The following HOOK1 variants were observed in gnomAD, a reference collection of about 807,000 sequenced individuals.
HOOK1 encodes the protein protein Hook homolog 1.
Under a neutral mutation model 112.8 loss-of-function variants are expected in HOOK1, and 60 were observed. That is an observed-to-expected ratio of 0.53 (90% CI 0.43 to 0.66). The LOEUF (loss-of-function observed/expected upper bound fraction) is 0.66, where lower values mean the gene tolerates loss of function less well. Among genes scored for constraint, HOOK1 ranks in the 30% least tolerant of loss-of-function variants. The pLI is 0.00. For missense variants in HOOK1, 770 were observed against 856.0 expected (o/e 0.90, Z 1.25); for synonymous variants, 294 against 283.8 (o/e 1.04, Z -0.36).
Position 59,876,154 on chromosome 1 carries a change from G to C in HOOK1, c.*3189G>C, listed in dbSNP as rs1367221714. On this transcript the variant is annotated 3_prime_UTR_variant, in exon 22 of 22. Transcript: ENST00000371208. ...AATTTGTAAAGCACAAACCATAAAA[G>C]AGTGTGGAGTTATTAAATGATGTAG... The C allele has an allele frequency of 1.3e-5, 2 of 152,656 alleles. No homozygotes were observed. Among genetic ancestry groups the C allele is most frequent in the African/African-American group, 4.8e-5 (2 of 41,458 alleles). 9.5% of individuals were successfully genotyped at this position (152,656 alleles called of 1,614,324 possible). A position where few individuals can be genotyped will look rare whatever the true frequency, so the allele number is the denominator to read the frequency against.
rs2098393578 is a variant in HOOK1 at position 59,831,021 on chromosome 1, C to T, written c.223-1142C>T. Among the ~76,000 whole-genome samples the T allele has an allele frequency of 2.0e-5, 3 of 151,930 alleles. 1 individual carries two copies. Among genetic ancestry groups the T allele is most frequent in the Admixed American group, 2.0e-4 (3 of 15,252 alleles). On this transcript the variant is annotated intron_variant, in intron 3 of 21. Coordinates refer to ENST00000371208, the MANE Select transcript of HOOK1 (RefSeq NM_015888.6). ...GTTCAAGCGATTCTTCTGCCTCAGC[C>T]TCCCGAGTAGCTGGGATTACAGGTG... is the stretch of plus-strand genomic sequence containing the variant.
At chr1:59,846,838 T>C (rs2098404338) in intron 9 of HOOK1, among the ~76,000 whole-genome samples, 1 of 151,614 alleles carries the variant, frequency 6.6e-6, no homozygotes, top group African/African-American at 2.4e-5. Context: ...TTGCGACTGA[T>C]TTCTAATTTA....
chr1:59,864,055 T>C (rs1008754652), intron 16 of HOOK1, among the ~76,000 whole-genome samples: 1 of 152,040 alleles, frequency 6.6e-6, no homozygotes, highest in Non-Finnish European at 1.5e-5. Context: ...ACCTATACAA[T>C]AGATGCGGAA....
intron 9 of HOOK1, among the ~76,000 whole-genome samples, chr1:59,844,536 A>G (rs906300424): frequency 1.3e-5 from 2 of 151,842 alleles, no homozygotes; most frequent in African/African-American, 4.8e-5. Flanking sequence ...AAGTATTCCA[A>G]TTTTGTTCTT....
At chr1:59,870,626 A>G (rs1263789539) in intron 20 of HOOK1, among the ~76,000 whole-genome samples, 1 of 152,222 alleles carries the variant, frequency 6.6e-6, no homozygotes, top group African/African-American at 2.4e-5. Context: ...ATTAAACTTT[A>G]TAGGCAACTT....
rs1339146121 is a variant in HOOK1 at position 59,865,984 on chromosome 1, A to G, written c.1845+12A>G. The stretch of plus-strand genomic sequence containing the variant: ...AGAAAGCCAGAAATGTGAGTGACTT[A>G]TCTTTCGGAGCTCAAGACTTTGTGG... On this transcript the variant is annotated intron_variant, in intron 19 of 21. Coordinates refer to ENST00000371208, the MANE Select transcript of HOOK1 (RefSeq NM_015888.6). 5 of 1,427,506 alleles carry G rather than the reference A, an allele frequency of 3.5e-6. No individual in the cohort carries two copies. Among genetic ancestry groups the G allele is most frequent in the Non-Finnish European group, 4.9e-6 (5 of 1,021,820 alleles). 88.4% of individuals were successfully genotyped at this position (1,427,506 alleles called of 1,614,324 possible).
chr1:59,823,790 C>T lies in HOOK1; in HGVS notation c.149+1847C>T, dbSNP rs2098387713. Among the ~76,000 whole-genome samples, 3 of 152,184 alleles carry T rather than the reference C, an allele frequency of 2.0e-5. No individual in the cohort carries two copies. The South Asian group carries it at 6.2e-4, about 31-fold the overall frequency. ...GGATTATGCTGTTAATGCTGATCTT[C>T]CCTCTCTGTGCTTTTTCTTTATTTC... On this transcript the variant is annotated intron_variant, in intron 2 of 21. Coordinates refer to ENST00000371208, the MANE Select transcript of HOOK1 (RefSeq NM_015888.6).
In HOOK1 at chr1:59,865,972, T is replaced by C. The variant is rs748153310; in HGVS notation, c.1845T>C (p.Asn615=). 1 of 1,513,504 alleles carries C rather than the reference T, an allele frequency of 6.6e-7. No homozygotes were observed. The highest frequency in any genetic ancestry group is 9.1e-7 in the Non-Finnish European group (1 of 1,098,314). 93.8% of individuals were successfully genotyped at this position (1,513,504 alleles called of 1,614,324 possible). A position where few individuals can be genotyped will look rare whatever the true frequency, so the allele number is the denominator to read the frequency against. The part of the protein sequence containing the change: ...RYKMYLEKAR[N]VIKTLDPKLN... ...AAATGTACTTGGAGAAAGCCAGAAA[T>C]GTGAGTGACTTATCTTTCGGAGCTC... Residue 615 remains asparagine, a splice_region_variant and synonymous_variant, in exon 19 of 22, where the codon AAT becomes AAC. Transcript: ENST00000371208.
chr1:59,848,969 T>C (rs1559054608), intron 11 of HOOK1, 104 bp from the exon 12 acceptor site: 2 of 551,924 alleles, frequency 3.6e-6, no homozygotes, highest in Non-Finnish European at 6.3e-6. Context: ...AGTGTAGATA[T>C]TTATTCATAA....
At chr1:59,857,299 C>T (rs970986595) in intron 12 of HOOK1, among the ~76,000 whole-genome samples, 1 of 152,148 alleles carries the variant, frequency 6.6e-6, no homozygotes, top group Non-Finnish European at 1.5e-5. Flanking sequence ...ACAGCTACAG[C>T]AATTGAAAGG....
chr1:59,857,600 G>A (rs1425274276), intron 12 of HOOK1, among the ~76,000 whole-genome samples: 4 of 152,078 alleles, frequency 2.6e-5, no homozygotes, highest in Non-Finnish European at 4.4e-5. Flanking sequence ...AGGCACCTAC[G>A]GACCCCTTGA....
rs749441451 is a variant in HOOK1, at chr1:59,871,067, G to A, written c.1973G>A (p.Arg658His). The A allele has an allele frequency of 1.5e-5, 24 of 1,611,086 alleles. No individual in the cohort carries two copies. Among genetic ancestry groups the A allele is most frequent in the Non-Finnish European group, 1.8e-5 (21 of 1,177,912 alleles). ...LESECKVAKF[R>H]DYEEKLIVSA... ...AGTGAATGCAAAGTAGCAAAATTCCGTGATTATGAAGAAAAACTCATTGTT... is the reference window on the plus strand; with the variant it reads ...AGTGAATGCAAAGTAGCAAAATTCCATGATTATGAAGAAAAACTCATTGTT... Residue 658 changes from arginine (R) to histidine (H), a missense_variant, in exon 21 of 22, where the codon CGT becomes CAT. By Grantham distance (29) the Arg-to-His change is conservative. Coordinates refer to ENST00000371208, the MANE Select transcript of HOOK1 (RefSeq NM_015888.6).
At chr1:59,869,584 G>T (rs1388759299) in intron 20 of HOOK1, among the ~76,000 whole-genome samples, 1 of 152,086 alleles carries the variant, frequency 6.6e-6, no homozygotes, top group African/African-American at 2.4e-5. Context: ...TGAGCAAGTA[G>T]GTATGAACTG....
intron 5 of HOOK1, among the ~76,000 whole-genome samples, chr1:59,834,172 G>A (rs1411129727): frequency 6.6e-6 from 1 of 152,016 alleles, no homozygotes; most frequent in Non-Finnish European, 1.5e-5. Context: ...GACTTTTGAC[G>A]CTGATGTTTT....
At chr1:59,820,535 T>G (rs1449556805) in intron 1 of HOOK1, among the ~76,000 whole-genome samples, 1 of 152,228 alleles carries the variant, frequency 6.6e-6, no homozygotes, top group East Asian at 1.9e-4. Context: ...ACTTTTATCA[T>G]ATTCCTATTT....
In HOOK1 at chr1:59,843,614, G is replaced by C. The variant is rs1325422691; in HGVS notation, c.788+16G>C. The C allele has an allele frequency of 6.3e-7, 1 of 1,585,122 alleles. No homozygotes were observed. The highest frequency in any genetic ancestry group is 2.3e-5 in the East Asian group (1 of 44,368). On this transcript the variant is annotated intron_variant, in intron 9 of 21. Coordinates refer to ENST00000371208, the MANE Select transcript of HOOK1 (RefSeq NM_015888.6). Reference sequence around the variant, plus strand: ...AAAACTTCAGGTAGCATTTTTAATGGAAATCATTTTATGGAGTTCTGTCTA... The same window carrying C: ...AAAACTTCAGGTAGCATTTTTAATGCAAATCATTTTATGGAGTTCTGTCTA...
At chr1:59,847,286 A>G (rs985436977) in intron 10 of HOOK1, 101 bp downstream of exon 10, 10 of 995,446 alleles carry the variant, frequency 1.0e-5, no homozygotes, top group African/African-American at 1.7e-5. Flanking sequence ...TTATTCCTGT[A>G]TATCAAGTAT....
chr1:59,821,749 G>GTTTTT, intron 1 of HOOK1, 109 bp from the exon 2 acceptor site: 1 of 590,614 alleles, frequency 1.7e-6, no homozygotes, highest in Non-Finnish European at 2.7e-6. Context: ...ACAGGACCAT[G>GTTTTT]TTTTTTTTTT....
chr1:59,840,453 T>C, intron 8 of HOOK1, 62 bp downstream of exon 8: 2 of 1,047,134 alleles, frequency 1.9e-6, no homozygotes, highest in South Asian at 2.1e-5. Context: ...AGATTTTTAT[T>C]GTAATTAATT....
Sources: gnomAD v4.1 joint callset for allele counts (sites outside exome capture counted in the v4.1 genomes callset) on GRCh38, gnomAD v4.1.1 for gene constraint, MANE v1.5 for transcripts, NCBI Gene and HGNC (gene_info 2026-07-23, HGNC 2026-07-21) for gene names.